The following NEK1 variants were observed in gnomAD, a reference collection of about 807,000 sequenced individuals.
NEK1 encodes the protein serine/threonine-protein kinase Nek1.
NEK1 carries 137 observed loss-of-function variants against 182.1 expected under a neutral mutation model. That is an observed-to-expected ratio of 0.75 (90% confidence interval 0.65 to 0.87). The LOEUF (loss-of-function observed/expected upper bound fraction) is 0.87, where lower values mean the gene tolerates loss of function less well. NEK1 is among the 40% of genes least tolerant of loss of function. NEK1 has a pLI of 0.00. For synonymous variants in NEK1, 513 were observed against 492.2 expected, an observed-to-expected ratio of 1.04 and a Z score of -0.56; for missense variants, 1,391 against 1,494.4, an observed-to-expected ratio of 0.93 and a Z score of 1.14.
intron 35 of NEK1, among the ~76,000 whole-genome samples, chr4:169,396,187 GA>G (rs1467302916): frequency 1.3e-5 from 2 of 151,652 alleles, no homozygotes; most frequent in Non-Finnish European, 2.9e-5. Flanking sequence ...CCAACATGGT[GA>G]AACCCTGTCT....
Position 169,590,829 on chromosome 4 carries a change from C to T in NEK1, c.313-20G>A, listed in dbSNP as rs1304684785. The T allele has an allele frequency of 6.7e-7, 1 of 1,485,532 alleles. No homozygotes were observed. 92.0% of individuals were successfully genotyped at this position (1,485,532 alleles called of 1,614,324 possible). A position where few individuals can be genotyped will look rare whatever the true frequency, so the allele number is the denominator to read the frequency against. ...CAAAATCTAGGAAGAAAAATCAGAT[C>T]TGTCAAGCCTCTCTTTGACCATTAA... On this transcript the variant is annotated intron_variant, in intron 5 of 35. Coordinates refer to ENST00000507142, the MANE Select transcript of NEK1 (RefSeq NM_001199397.3).
At position 169,438,234 on chromosome 4, in the gene NEK1, G is replaced by A. The variant is rs765506071; in HGVS notation, c.2613C>T (p.Tyr871=). The change falls in exon 28 of 36, where the codon TAC becomes TAT. Residue 871 remains tyrosine, a synonymous_variant. Transcript: ENST00000507142. Reference sequence around the variant, plus strand: ...TTTTTTCTCCAGTAATTAAGGGTTTGTACTTTTCCCCTTCGGGAGAAATCT... The same window carrying A: ...TTTTTTCTCCAGTAATTAAGGGTTTATACTTTTCCCCTTCGGGAGAAATCT... ...RSEISPEGEK[Y]KPLITGEKKV... is the part of the protein sequence containing the mutation. 6.4e-7 allele frequency: 1 copy of A among 1,552,440 alleles called. No individual in the cohort carries two copies. Among genetic ancestry groups the A allele is most frequent in the East Asian group, 2.4e-5 (1 of 42,518 alleles).
Position 169,401,690 on chromosome 4 carries a change from G to C in NEK1, c.3545C>G (p.Pro1182Arg), listed in dbSNP as rs367956146. 1.4e-5 allele frequency: 22 copies of C among 1,613,806 alleles called. No individual in the cohort carries two copies. Among genetic ancestry groups the C allele is most frequent in the Non-Finnish European group, 1.9e-5 (22 of 1,179,774 alleles). ...TTCGTTCAGGGCACTTTCACTGCTG[G>C]GATTGTCATCTTCATCTGCCACATC... ...GTDVADEDDNPSSESALNEEW... is the reference protein window; with the variant it reads ...GTDVADEDDNRSSESALNEEW... Residue 1182 changes from proline to arginine, a missense_variant, in exon 33 of 36, where the codon CCC becomes CGC. Pro to Arg is a moderately radical substitution (Grantham distance 103). Coordinates refer to ENST00000507142, the MANE Select transcript of NEK1 (RefSeq NM_001199397.3).
At chr4:169,433,969 T>C (rs1184434335) in intron 28 of NEK1, among the ~76,000 whole-genome samples, 3 of 152,140 alleles carry the variant, frequency 2.0e-5, no homozygotes, top group Non-Finnish European at 4.4e-5. Flanking sequence ...TTTAGTAATA[T>C]GTAAATTCAT....
At position 169,537,902 on chromosome 4, in the gene NEK1, C is replaced by T. The variant is rs1006465669; in HGVS notation, c.1572G>A (p.Gly524=). The part of the protein sequence containing the change: ...SKQANANRQK[G]QLAVERAKQV... Reference sequence around the variant, plus strand: ...GTTTAGCTCTTTCTACAGCTAGCTGCCCTTTTTGCCTAATTTGGACAAATC... The same window carrying T: ...GTTTAGCTCTTTCTACAGCTAGCTGTCCTTTTTGCCTAATTTGGACAAATC... Residue 524 remains glycine, a synonymous_variant, in exon 19 of 36, where the codon GGG becomes GGA. Coordinates refer to ENST00000507142, the MANE Select transcript of NEK1 (RefSeq NM_001199397.3). 6.3e-7 allele frequency: 1 copy of T among 1,599,010 alleles called. No individual in the cohort carries two copies. The highest frequency in any genetic ancestry group is 8.5e-7 in the Non-Finnish European group (1 of 1,171,672).
At chr4:169,457,552 G>A (rs1229399248) in intron 27 of NEK1, among the ~76,000 whole-genome samples, 1 of 151,198 alleles carries the variant, frequency 6.6e-6, no homozygotes, top group African/African-American at 2.4e-5. Context: ...ATGAGTTCAA[G>A]ACCAGCCTGG....
chr4:169,525,210 C>T (rs945068253), intron 19 of NEK1, among the ~76,000 whole-genome samples: 1 of 152,186 alleles, frequency 6.6e-6, no homozygotes, highest in Non-Finnish European at 1.5e-5. Context: ...CTCACTGCAA[C>T]CTCCACCTCC....
intron 9 of NEK1, among the ~76,000 whole-genome samples, chr4:169,587,237 C>T (rs1310498969): frequency 6.6e-6 from 1 of 151,702 alleles, no homozygotes; most frequent in Non-Finnish European, 1.5e-5. Flanking sequence ...TTCACTAAAA[C>T]AAAACTAGTA....
chr4:169,609,804 A>G (rs1194063437), intron 2 of NEK1, among the ~76,000 whole-genome samples: 1 of 152,192 alleles, frequency 6.6e-6, no homozygotes, highest in African/African-American at 2.4e-5. Context: ...TAAAACAATA[A>G]TATCTGATAG....
At chr4:169,559,738 G>A (rs1417737089) in intron 16 of NEK1, among the ~76,000 whole-genome samples, 2 of 152,144 alleles carry the variant, frequency 1.3e-5, no homozygotes, top group African/African-American at 2.4e-5. Context: ...GGCTGGGCAC[G>A]GTGACTCACG....
chr4:169,449,950 C>T (rs777429299), intron 27 of NEK1, among the ~76,000 whole-genome samples: 8 of 152,112 alleles, frequency 5.3e-5, no homozygotes, highest in Non-Finnish European at 7.4e-5. Context: ...AGAAGAATGG[C>T]TAACTATAAT....
intron 18 of NEK1, among the ~76,000 whole-genome samples, chr4:169,553,399 A>G (rs1310563162): frequency 6.6e-6 from 1 of 152,192 alleles, no homozygotes; most frequent in African/African-American, 2.4e-5. Context: ...ATTAAACTAT[A>G]AAACTCCTAG....
At chr4:169,438,321 G>A (rs1475366044) in intron 27 of NEK1, 62 bp from the exon 28 acceptor site, 1 of 1,278,312 alleles carries the variant, frequency 7.8e-7, no homozygotes, top group Non-Finnish European at 1.1e-6. Context: ...TATCTGTAAT[G>A]GCATTGGGGG....
rs1348237122 is a variant in NEK1 at position 169,555,815 on chromosome 4, A to G, written c.1467T>C (p.Tyr489=). 5 of 1,613,962 alleles carry G rather than the reference A, an allele frequency of 3.1e-6. No individual in the cohort carries two copies. The highest frequency in any genetic ancestry group is 3.4e-6 in the Non-Finnish European group (4 of 1,179,848). The part of the protein sequence containing the change: ...ILPGVRPGFP[Y]GAAGHHHFPD... Reference sequence around the variant, plus strand: ...GAAAATGGTGATGACCTGCAGCCCCATAAGGAAATCCTGGACGAACTCCAG... The same window carrying G: ...GAAAATGGTGATGACCTGCAGCCCCGTAAGGAAATCCTGGACGAACTCCAG... The change falls in exon 18 of 36, where the codon TAT becomes TAC. Residue 489 remains tyrosine, a synonymous_variant. Transcript: ENST00000507142.
At chr4:169,403,941 C>T (rs1336446754) in intron 32 of NEK1, among the ~76,000 whole-genome samples, 5 of 151,968 alleles carry the variant, frequency 3.3e-5, no homozygotes, top group African/African-American at 9.7e-5. Context: ...TATGAAATAA[C>T]GTACTTTAAA....
chr4:169,532,266 A>T (rs1223191936), intron 19 of NEK1, among the ~76,000 whole-genome samples: 2 of 152,158 alleles, frequency 1.3e-5, no homozygotes, highest in African/African-American at 4.8e-5. Context: ...AGCCAATTAT[A>T]AAAAAAGGCT....
intron 5 of NEK1, among the ~76,000 whole-genome samples, chr4:169,598,009 T>C (rs969357521): frequency 1.3e-5 from 2 of 152,096 alleles, no homozygotes; most frequent in Non-Finnish European, 2.9e-5. Flanking sequence ...TTAATGTATA[T>C]ATGTACATGT....
At chr4:169,544,451 G>A (rs1760013685) in intron 18 of NEK1, among the ~76,000 whole-genome samples, 1 of 152,116 alleles carries the variant, frequency 6.6e-6, no homozygotes, top group Non-Finnish European at 1.5e-5. Flanking sequence ...GTCTCTGCCA[G>A]GCTTTGGTAT....
At chr4:169,478,267 G>C (rs935343974) in intron 24 of NEK1, 10 of 151,978 alleles carry the variant, frequency 6.6e-5, no homozygotes, top group Admixed American at 1.3e-4. Context: ...GGATTACCTC[G>C]AATTTTGTAA....
Sources: allele counts gnomAD v4.1 joint callset (sites outside exome capture counted in the v4.1 genomes callset), GRCh38; gene constraint gnomAD v4.1.1; transcripts MANE v1.5; gene names NCBI Gene and HGNC (gene_info 2026-07-23, HGNC 2026-07-21).